LIMS2: variants seen among roughly 807,000 people sequenced by gnomAD.
LIMS2 encodes the protein LIM and senescent cell antigen-like-containing domain protein 2.
A neutral mutation model predicts 45.3 loss-of-function variants in LIMS2; 30 were observed. The observed-to-expected ratio is 0.66, with a 90% CI of 0.50 to 0.90. The LOEUF (loss-of-function observed/expected upper bound fraction) is 0.90, where lower values mean the gene tolerates loss of function less well. Ranked by LOEUF, LIMS2 falls within the 40% of genes least tolerant of loss-of-function variation. The pLI is 0.00. For missense variants in LIMS2, 485 were observed against 468.7 expected (o/e 1.03, Z -0.32); for synonymous variants, 173 against 188.0 (o/e 0.92, Z 0.65).
At position 127,639,192 on chromosome 2, in the gene LIMS2, G is replaced by C. The variant is rs1353962791; in HGVS notation, c.*89C>G. The C allele has an allele frequency of 2.7e-5, 37 of 1,386,586 alleles. No homozygotes were observed. The highest frequency in any genetic ancestry group is 3.5e-5 in the Non-Finnish European group (35 of 999,378). The allele number at this position is 1,386,586 out of a possible 1,614,324, so 85.9% of individuals were successfully genotyped here. A position where few individuals can be genotyped will look rare whatever the true frequency, so the allele number is the denominator to read the frequency against. On this transcript the variant is annotated 3_prime_UTR_variant, in exon 10 of 10. Coordinates refer to ENST00000355119, the MANE Select transcript of LIMS2 (RefSeq NM_001161403.3). ...AGAAAGGGAGGGTAAGATGCGGAGG[G>C]CACAGGTGGATGGGGACGAGGGGGC...
At chr2:127,650,158 C>A in intron 4 of LIMS2, 2 of 1,284,302 alleles carry the variant, frequency 1.6e-6, no homozygotes, top group Non-Finnish European at 2.2e-6. Context: ...GTGCCAGGGG[C>A]AAGCCATGGT....
intron 4 of LIMS2, chr2:127,646,421 G>A (rs1334244904): frequency 1.3e-5 from 2 of 152,348 alleles, no homozygotes; most frequent in Non-Finnish European, 2.9e-5. Context: ...AGCCCACAAA[G>A]CGGTGTTTCG....
At chr2:127,661,146 CAGAG>C (rs1284858680) in intron 1 of LIMS2, among the ~76,000 whole-genome samples, 7 of 152,250 alleles carry the variant, frequency 4.6e-5, no homozygotes, top group African/African-American at 1.7e-4. Flanking sequence ...CAGTGTGACA[CAGAG>C]AGGCCGGCAG....
At chr2:127,643,535 C>T (rs1465019178) in intron 4 of LIMS2, 1 of 456,780 alleles carries the variant, frequency 2.2e-6, no homozygotes, top group Admixed American at 2.3e-5. Flanking sequence ...AGGGCCCAAA[C>T]ACGTACAGGC....
rs573761708 is a variant in LIMS2 at position 127,644,724 on chromosome 2, G to C, written c.360-1652C>G. 2.0e-5 allele frequency among the ~76,000 whole-genome samples: 3 copies of C among 152,362 alleles called. No homozygotes were observed. The East Asian group carries it at 5.8e-4, about 29-fold the overall frequency. ...GTCAATGCCCTTGAAGCCATCGACA[G>C]TGATCACCCCAATAACAGAAGGTCT... is the stretch of plus-strand genomic sequence containing the variant. On this transcript the variant is annotated intron_variant, in intron 4 of 9. Transcript: ENST00000355119.
Position 127,664,407 on chromosome 2 carries a change from TGAGGTCGCGGGCGCGGGCCGCCTG to T in LIMS2, c.12-6869_12-6846del. 1 of 1,198,126 alleles carries T rather than the reference TGAGGTCGCGGGCGCGGGCCGCCTG, an allele frequency of 8.3e-7. No individual in the cohort carries two copies. The highest frequency in any genetic ancestry group is 1.0e-6 in the Non-Finnish European group (1 of 966,290). The allele number at this position is 1,198,126 out of a possible 1,614,324, so 74.2% of individuals were successfully genotyped here. A position where few individuals can be genotyped will look rare whatever the true frequency, so the allele number is the denominator to read the frequency against. On this transcript the variant is annotated intron_variant, in intron 1 of 9. Coordinates refer to ENST00000355119, the MANE Select transcript of LIMS2 (RefSeq NM_001161403.3). This position sits in a 1 kb window ranked among gnomAD's most constrained non-coding sequence, Gnocchi z 5.5. Reference sequence around the variant, plus strand: ...CCGCCATGGCGCGGGGCAGCCGCCTTGAGGTCGCGGGCGCGGGCCGCCTGGTGCAGGGGCTATGGGACCACCTCG... The same window carrying T: ...CCGCCATGGCGCGGGGCAGCCGCCTTGTGCAGGGGCTATGGGACCACCTCG...
chr2:127,643,021 C>A lies in LIMS2; in HGVS notation c.411G>T (p.Lys137Asn), dbSNP rs1265201723. The stretch of plus-strand genomic sequence containing the variant: ...CCAGGTGGCACCGCTGGCAGATGTA[C>A]TTGCCCAGGCCCTTGGCCTTCTCAC... ...HNREKAKGLG[K>N]YICQRCHLVI... is the part of the protein sequence containing the mutation. Residue 137 changes from lysine to asparagine, a missense_variant, in exon 5 of 10, where the codon AAG (lysine) becomes AAT (asparagine). By Grantham distance (94) the Lys-to-Asn change is moderately conservative (BLOSUM62 0). Transcript: ENST00000355119. 10 of 1,586,740 alleles carry A rather than the reference C, an allele frequency of 6.3e-6. No homozygotes were observed. The highest frequency in any genetic ancestry group is 8.6e-6 in the Non-Finnish European group (10 of 1,166,942).
chr2:127,674,955 C>A, intron 1 of LIMS2, 59 bp downstream of exon 1: 5 of 1,226,410 alleles, frequency 4.1e-6, no homozygotes, highest in Non-Finnish European at 3.0e-6. Flanking sequence ...AGCTGCGCCT[C>A]GGCCAGGGGT....
intron 4 of LIMS2, chr2:127,650,646 C>G: frequency 2.7e-6 from 3 of 1,117,782 alleles, no homozygotes; most frequent in Non-Finnish European, 3.9e-6. Flanking sequence ...GGCCTGACTT[C>G]TGGACTTCAG....
intron 4 of LIMS2, chr2:127,646,338 C>T (rs760190385): frequency 3.3e-5 from 5 of 152,262 alleles, no homozygotes; most frequent in Non-Finnish European, 5.9e-5. Context: ...CAGGCAGCAG[C>T]CTGTCTCGTC....
intron 1 of LIMS2, among the ~76,000 whole-genome samples, chr2:127,663,822 C>T (rs1192424454): frequency 3.9e-5 from 6 of 152,192 alleles, no homozygotes; most frequent in South Asian, 2.1e-4. Context: ...GGTGGCTCCA[C>T]CACCATCCCC....
At chr2:127,649,826 TG>T in intron 4 of LIMS2, 1 of 595,994 alleles carries the variant, frequency 1.7e-6, no homozygotes, top group Non-Finnish European at 3.0e-6. Flanking sequence ...CAGGCCTCTC[TG>T]GGGCTGCAGA....
chr2:127,654,316 C>T (rs753517509), intron 4 of LIMS2, 108 bp downstream of exon 4: 19 of 1,483,200 alleles, frequency 1.3e-5, no homozygotes, highest in Non-Finnish European at 1.8e-5. Context: ...GGCTGCAGCA[C>T]CGGGACCCTT....
chr2:127,673,071 C>T (rs36007935), intron 1 of LIMS2, among the ~76,000 whole-genome samples: 47,301 of 152,108 alleles, frequency 0.31, 7,623 homozygotes, highest in Middle Eastern at 0.44. Context: ...CTGTTCCTCA[C>T]AGACTGGCCC....
intron 1 of LIMS2, chr2:127,674,791 A>G (rs1269585810): frequency 1.0e-6 from 1 of 985,140 alleles, no homozygotes; most frequent in African/African-American, 1.7e-5. Flanking sequence ...GGTGGGCAGG[A>G]GCTCCACCTT....
chr2:127,648,036 C>T, intron 4 of LIMS2: 1 of 985,896 alleles, frequency 1.0e-6, no homozygotes. Context: ...GCATCACTCA[C>T]CCCGCCTTCT....
chr2:127,644,863 G>GCGCCCCGGCTCAGA (rs1282283562), intron 4 of LIMS2, among the ~76,000 whole-genome samples: 3 of 152,306 alleles, frequency 2.0e-5, no homozygotes, highest in African/African-American at 7.2e-5. Context: ...AAAGAGACCT[G>GCGCCCCGGCTCAGA]CGCCCCGGCT....
chr2:127,639,165 A>C lies in LIMS2; in HGVS notation c.*116T>G, dbSNP rs985993519. ...CAGGAAGGGAGAAGGCAATGAGGAA[A>C]GAGAAAGGGAGGGTAAGATGCGGAG... On this transcript the variant is annotated 3_prime_UTR_variant, in exon 10 of 10. Coordinates refer to ENST00000355119, the MANE Select transcript of LIMS2 (RefSeq NM_001161403.3). The C allele has an allele frequency of 1.8e-5, 20 of 1,083,182 alleles. No homozygotes were observed. Among genetic ancestry groups the C allele is most frequent in the Middle Eastern group, 2.8e-4 (1 of 3,580 alleles). 67.1% of individuals were successfully genotyped at this position (1,083,182 alleles called of 1,614,324 possible).
chr2:127,663,183 G>A (rs983279345), intron 1 of LIMS2, among the ~76,000 whole-genome samples: 1 of 152,152 alleles, frequency 6.6e-6, no homozygotes, highest in Non-Finnish European at 1.5e-5. Flanking sequence ...CTGGCCACTC[G>A]CAGCCTGGTA....
Sources: allele counts gnomAD v4.1 joint callset (sites outside exome capture counted in the v4.1 genomes callset), GRCh38; gene constraint gnomAD v4.1.1; non-coding constraint Gnocchi (gnomAD v3.1); transcripts MANE v1.5; gene names NCBI Gene and HGNC (gene_info 2026-07-23, HGNC 2026-07-21).